SLMAP: variants seen among roughly 807,000 people sequenced by gnomAD.
SLMAP encodes sarcolemmal membrane-associated protein.
In SLMAP, 44 loss-of-function variants were observed where a neutral mutation model predicts 128.8. The observed-to-expected ratio is 0.34, with a 90% CI of 0.27 to 0.44. The LOEUF (loss-of-function observed/expected upper bound fraction) is 0.44. Among genes scored for constraint, SLMAP ranks in the 20% least tolerant of loss-of-function variants. The pLI is 1.00. For synonymous variants in SLMAP, 327 were observed against 348.8 expected, an observed-to-expected ratio of 0.94 and a Z score of 0.70; for missense variants, 787 against 985.3, an observed-to-expected ratio of 0.80 and a Z score of 2.69.
At chr3:57,912,313 G>C in intron 19 of SLMAP, 68 bp from the exon 20 acceptor site, 1 of 1,364,144 alleles carries the variant, frequency 7.3e-7, no homozygotes, top group Non-Finnish European at 1.0e-6. Context: ...TTATGCATTA[G>C]CTACAATCCT....
rs540579222 is a variant in SLMAP at position 57,912,532 on chromosome 3, T to C, written c.1851T>C (p.Thr617=). ...CAAAGGTTGCCTCTGAGCGGGACAC[T>C]GACATTGCTTCTTTACAAGAAGAGC... ...AAAKVASERD[T]DIASLQEELK... Residue 617 remains threonine, a synonymous_variant, in exon 20 of 25, where the codon ACT becomes ACC. Coordinates refer to ENST00000671191, the MANE Select transcript of SLMAP (RefSeq NM_001377540.1). The C allele has an allele frequency of 1.2e-6, 2 of 1,614,164 alleles. No homozygotes were observed. Among genetic ancestry groups the C allele is most frequent in the African/African-American group, 2.7e-5 (2 of 75,050 alleles).
intron 2 of SLMAP, among the ~76,000 whole-genome samples, chr3:57,758,733 G>A (rs1269384886): frequency 1.3e-5 from 2 of 152,140 alleles, no homozygotes; most frequent in African/African-American, 2.4e-5. Context: ...TTTATTTTAA[G>A]AAGTGAAGAA....
In SLMAP at chr3:57,849,273, T is replaced by C. The variant is rs947477160; in HGVS notation, c.457-481T>C. ...AAACCCTTATAGAAGATATTCCTTATAATACTCTTGAGTTCTAAATAGTTT... is the reference window on the plus strand; with the variant it reads ...AAACCCTTATAGAAGATATTCCTTACAATACTCTTGAGTTCTAAATAGTTT... On this transcript the variant is annotated intron_variant, in intron 5 of 24. Coordinates refer to ENST00000671191, the MANE Select transcript of SLMAP (RefSeq NM_001377540.1). Among the ~76,000 whole-genome samples, 3 of 152,320 alleles carry C rather than the reference T, an allele frequency of 2.0e-5. No individual in the cohort carries two copies. In the East Asian group the frequency reaches 5.8e-4, roughly 29 times the overall value.
At chr3:57,908,516 C>G (rs1490998102) in intron 18 of SLMAP, among the ~76,000 whole-genome samples, 1 of 152,150 alleles carries the variant, frequency 6.6e-6, no homozygotes, top group African/African-American at 2.4e-5. Context: ...CTCATGTTCT[C>G]CAAGATGGCC....
In SLMAP at chr3:57,853,207, A is replaced by G. The variant is rs1315271211; in HGVS notation, c.519+3391A>G. On this transcript the variant is annotated intron_variant, in intron 6 of 24. Coordinates refer to ENST00000671191, the MANE Select transcript of SLMAP (RefSeq NM_001377540.1). ...AATGTTAGGAATGTTTTAGGAACTT[A>G]AACTTGGCAAATAGTCTCTTAAGTG... Among the ~76,000 whole-genome samples, 3 of 152,230 alleles carry G rather than the reference A, an allele frequency of 2.0e-5. No homozygotes were observed. The East Asian group carries it at 5.8e-4, about 29-fold the overall frequency.
At chr3:57,796,540 G>A (rs2086777355) in intron 2 of SLMAP, among the ~76,000 whole-genome samples, 1 of 152,268 alleles carries the variant, frequency 6.6e-6, no homozygotes, top group South Asian at 2.1e-4. Context: ...TAGCTATAAA[G>A]CACTTAGAAT....
Position 57,925,914 on chromosome 3 carries a change from G to C in SLMAP, c.2515G>C (p.Gly839Arg), listed in dbSNP as rs757046462. The C allele has an allele frequency of 1.3e-5, 20 of 1,550,724 alleles. No homozygotes were observed. Among genetic ancestry groups the C allele is most frequent in the Non-Finnish European group, 1.7e-5 (19 of 1,146,804 alleles). ...LFLAFLFWCFGPLW is the reference protein window; with the variant it reads ...LFLAFLFWCFRPLW ...CCTGGCTTTCCTGTTTTGGTGTTTC[G>C]GTCCATTGTGGTAGAGAAAGGTACA... Residue 839 changes from glycine (G) to arginine (R), a missense_variant, in exon 24 of 25, where the codon GGT becomes CGT. Around this residue, in one of 2 missense-constraint regions of SLMAP, gnomAD observed 715 missense variants for 843.6 expected, o/e 0.85. Coordinates refer to ENST00000671191, the MANE Select transcript of SLMAP (RefSeq NM_001377540.1).
chr3:57,873,411 G>C (rs982515121), intron 14 of SLMAP, among the ~76,000 whole-genome samples: 1 of 152,148 alleles, frequency 6.6e-6, no homozygotes, highest in Admixed American at 6.5e-5. Flanking sequence ...TCTGAGGCAG[G>C]AGAATTGCTT....
chr3:57,770,365 GAGTGAGTA>G (rs1000655550), intron 2 of SLMAP, among the ~76,000 whole-genome samples: 11 of 152,216 alleles, frequency 7.2e-5, no homozygotes, highest in Non-Finnish European at 1.5e-4. Flanking sequence ...ACTGTTTGAA[GAGTGAGTA>G]GGGCTTTGCT....
chr3:57,836,380 G>A (rs2093642446), intron 3 of SLMAP, among the ~76,000 whole-genome samples: 1 of 152,182 alleles, frequency 6.6e-6, no homozygotes, highest in Non-Finnish European at 1.5e-5. Flanking sequence ...TATATAATAT[G>A]TAAGATTGTA....
In SLMAP at chr3:57,823,554, A is replaced by G. The variant is rs563083902; in HGVS notation, c.199-7829A>G. Among the ~76,000 whole-genome samples the G allele has an allele frequency of 2.6e-5, 4 of 151,718 alleles. No homozygotes were observed. The South Asian group carries it at 6.3e-4, about 24-fold the overall frequency. ...TCCCTACAAAGGACATGAACTCATC[A>G]TTTTTTATCGCTGCATAGTATTCCA... is the stretch of plus-strand genomic sequence containing the variant. On this transcript the variant is annotated intron_variant, in intron 2 of 24. Transcript: ENST00000671191.
intron 22 of SLMAP, among the ~76,000 whole-genome samples, chr3:57,920,481 C>A (rs544569026): frequency 6.6e-6 from 1 of 152,070 alleles, no homozygotes; most frequent in Admixed American, 6.6e-5. Context: ...ATTTATCTTT[C>A]TTGAGCATGA....
chr3:57,906,402 G>A lies in SLMAP; in HGVS notation c.1502-1482G>A, dbSNP rs1262539661. Among the ~76,000 whole-genome samples, 28 of 137,394 alleles carry A rather than the reference G, an allele frequency of 2.0e-4. 1 individual carries two copies. Among genetic ancestry groups the A allele is most frequent in the Admixed American group, 8.1e-5 (1 of 12,288 alleles). The allele number at this position is 137,394 out of a possible 152,430, so 90.1% of individuals were successfully genotyped here. A position where few individuals can be genotyped will look rare whatever the true frequency, so the allele number is the denominator to read the frequency against. Reference sequence around the variant, plus strand: ...GCGATCTTGGCTCATTGCCACCTCTGCCTCCCAGGTTCAAGCAATTCTCGT... The same window carrying A: ...GCGATCTTGGCTCATTGCCACCTCTACCTCCCAGGTTCAAGCAATTCTCGT... On this transcript the variant is annotated intron_variant, in intron 17 of 24. Coordinates refer to ENST00000671191, the MANE Select transcript of SLMAP (RefSeq NM_001377540.1).
intron 2 of SLMAP, among the ~76,000 whole-genome samples, chr3:57,785,845 A>G (rs1487270566): frequency 6.6e-6 from 1 of 152,226 alleles, no homozygotes; most frequent in Non-Finnish European, 1.5e-5. Context: ...GTTCTTTACC[A>G]TATGTTATTT....
intron 14 of SLMAP, 149 bp from the exon 15 acceptor site, chr3:57,889,892 C>T (rs1043565668): frequency 1.1e-5 from 6 of 541,150 alleles, no homozygotes; most frequent in African/African-American, 9.4e-5. Flanking sequence ...TCTCTTAGTT[C>T]CCCTTCCAGA....
At chr3:57,824,613 T>A (rs2092783146) in intron 2 of SLMAP, among the ~76,000 whole-genome samples, 1 of 152,224 alleles carries the variant, frequency 6.6e-6, no homozygotes, top group African/African-American at 2.4e-5. Context: ...TCTTTATATC[T>A]GTCCGTATGC....
At chr3:57,912,202 G>A in intron 19 of SLMAP, 179 bp from the exon 20 acceptor site, 1 of 527,512 alleles carries the variant, frequency 1.9e-6, no homozygotes, top group Non-Finnish European at 3.4e-6. Flanking sequence ...AGATCACTTT[G>A]GTTTTTTTTT....
intron 2 of SLMAP, among the ~76,000 whole-genome samples, chr3:57,797,924 T>C (rs1215589215): frequency 1.3e-5 from 2 of 152,222 alleles, no homozygotes; most frequent in East Asian, 3.8e-4. Context: ...GTTCATATCC[T>C]GGTTTCACCT....
intron 13 of SLMAP, among the ~76,000 whole-genome samples, chr3:57,867,146 C>T (rs1446699844): frequency 6.6e-6 from 1 of 151,998 alleles, no homozygotes; most frequent in African/African-American, 2.4e-5. Context: ...GCCACTGCAC[C>T]CCAACCTGGG....
Sources: gnomAD v4.1 joint callset for allele counts (sites outside exome capture counted in the v4.1 genomes callset) on GRCh38, gnomAD v4.1.1 for gene constraint, gnomAD v4.1.1 regional missense constraint, MANE v1.5 for transcripts, NCBI Gene and HGNC (gene_info 2026-07-23, HGNC 2026-07-21) for gene names.